The following SPAG9 variants were observed in gnomAD, a reference collection of about 807,000 sequenced individuals.
SPAG9 encodes the protein C-Jun-amino-terminal kinase-interacting protein 4.
SPAG9 carries 35 observed loss-of-function variants against 166.5 expected under a neutral mutation model. The ratio of observed to expected loss-of-function variants is 0.21; its 90% CI spans 0.16 to 0.28. SPAG9 has a LOEUF of 0.28. SPAG9 is among the 10% of genes least tolerant of loss of function. The probability of loss-of-function intolerance (pLI) is 1.00; values close to 1 mark genes in which losing one functional copy is unlikely to be tolerated. For missense variants in SPAG9, 1,235 were observed against 1,603.3 expected (o/e 0.77, Z 3.92); for synonymous variants, 534 against 565.5 (o/e 0.94, Z 0.79).
At chr17:51,064,779 G>A (rs181466366) in intron 2 of SPAG9, among the ~76,000 whole-genome samples, 1 of 152,274 alleles carries the variant, frequency 6.6e-6, no homozygotes, top group Non-Finnish European at 1.5e-5. Context: ...GGTGGCGATT[G>A]TACAACCTTG....
intron 1 of SPAG9, among the ~76,000 whole-genome samples, chr17:51,117,252 C>T (rs2049316260): frequency 6.6e-6 from 1 of 152,182 alleles, no homozygotes; most frequent in South Asian, 2.1e-4. Flanking sequence ...GCACCTCACA[C>T]ATTCCTAAAA....
Position 51,031,781 on chromosome 17 carries a change from C to T in SPAG9, c.742-59G>A, listed in dbSNP as rs2046393132. On this transcript the variant is annotated intron_variant, in intron 5 of 29. Transcript: ENST00000262013. ...ATTATGTGTTTACTAGGTTTTAACACAGCTGTAACTTTGGCTTGTACTATC... is the reference window on the plus strand; with the variant it reads ...ATTATGTGTTTACTAGGTTTTAACATAGCTGTAACTTTGGCTTGTACTATC... 3 of 1,262,858 alleles carry T rather than the reference C, an allele frequency of 2.4e-6. No homozygotes were observed. The South Asian group carries it at 3.8e-5, about 16-fold the overall frequency. 78.2% of individuals were successfully genotyped at this position (1,262,858 alleles called of 1,614,324 possible).
At chr17:50,980,052 A>AT (rs1398023722) in intron 25 of SPAG9, 135 bp from the exon 26 acceptor site, 2 of 746,018 alleles carry the variant, frequency 2.7e-6, no homozygotes, top group African/African-American at 3.6e-5. Flanking sequence ...GATTACTCTT[A>AT]TATACACAAT....
intron 28 of SPAG9, among the ~76,000 whole-genome samples, chr17:50,971,831 G>T (rs532479740): frequency 6.6e-6 from 1 of 151,102 alleles, no homozygotes; most frequent in Non-Finnish European, 1.5e-5. Context: ...GCAATGGCGC[G>T]ATCTCGGCTC....
intron 13 of SPAG9, 148 bp from the exon 14 acceptor site, chr17:50,999,865 C>T: frequency 1.6e-6 from 1 of 621,658 alleles, no homozygotes; most frequent in Non-Finnish European, 2.8e-6. Flanking sequence ...CTTTGACCTA[C>T]CATGTGTCAG....
intron 12 of SPAG9, 72 bp downstream of exon 12, chr17:51,005,140 T>TA: frequency 7.8e-7 from 1 of 1,279,758 alleles, no homozygotes; most frequent in Non-Finnish European, 1.1e-6. Context: ...ATCCAAAGCT[T>TA]ACGTAGGAAG....
At chr17:50,995,361 G>A in intron 17 of SPAG9, 83 bp downstream of exon 17, 1 of 1,307,434 alleles carries the variant, frequency 7.6e-7, no homozygotes, top group Non-Finnish European at 1.1e-6. Context: ...CACCATAGAA[G>A]TAATACTTAT....
At chr17:51,089,575 ATATGTG>A (rs1244147458) in intron 1 of SPAG9, among the ~76,000 whole-genome samples, 2 of 143,610 alleles carry the variant, frequency 1.4e-5, no homozygotes, top group Non-Finnish European at 3.0e-5. Context: ...ATTATAATAT[ATATGTG>A]TATATCTACT....
chr17:51,074,215 G>A (rs539699260), intron 2 of SPAG9, among the ~76,000 whole-genome samples: 3 of 151,734 alleles, frequency 2.0e-5, no homozygotes, highest in East Asian at 1.9e-4. Context: ...CAGACTGGGC[G>A]ACAGAGCGAG....
chr17:51,088,030 C>T (rs193096107), intron 1 of SPAG9, among the ~76,000 whole-genome samples: 8 of 152,324 alleles, frequency 5.3e-5, no homozygotes, highest in African/African-American at 1.7e-4. Flanking sequence ...TAGGCATGAG[C>T]GACCATGCCT....
chr17:51,047,339 A>T, intron 4 of SPAG9, 36 bp downstream of exon 4: 1 of 1,094,198 alleles, frequency 9.1e-7, no homozygotes, highest in Non-Finnish European at 1.3e-6. Context: ...TATTTATTTT[A>T]CTTTTTCTCA....
intron 9 of SPAG9, among the ~76,000 whole-genome samples, chr17:51,010,568 GA>G (rs3075109): frequency 0.046 from 5,775 of 124,726 alleles, 137 homozygotes; most frequent in African/African-American, 0.071. Flanking sequence ...GGCAAGAAAA[GA>G]AAAAAAAAAA....
Position 51,056,495 on chromosome 17 carries a change from T to A in SPAG9, c.425-13A>T. On this transcript the variant is annotated splice_polypyrimidine_tract_variant and intron_variant, in intron 2 of 29. Coordinates refer to ENST00000262013, the MANE Select transcript of SPAG9 (RefSeq NM_001130528.3). ...TCAAGTCTGCTAACTGAAATTAAGATACATACACTTGATCAAAACAAAATA... is the reference window on the plus strand; with the variant it reads ...TCAAGTCTGCTAACTGAAATTAAGAAACATACACTTGATCAAAACAAAATA... 1 of 1,523,328 alleles carries A rather than the reference T, an allele frequency of 6.6e-7. No homozygotes were observed. The highest frequency in any genetic ancestry group is 9.1e-7 in the Non-Finnish European group (1 of 1,098,878). 94.4% of individuals were successfully genotyped at this position (1,523,328 alleles called of 1,614,324 possible).
Position 51,006,249 on chromosome 17 carries a change from A to G in SPAG9, c.1272-12T>C. 1.2e-6 allele frequency: 2 copies of G among 1,611,926 alleles called. No individual in the cohort carries two copies. Among genetic ancestry groups the G allele is most frequent in the South Asian group, 1.1e-5 (1 of 91,022 alleles). ...TGTTCAAAGCATTTCTAAGAAACAC[A>G]TATTTCAAGTGCATCATTACAAATA... On this transcript the variant is annotated splice_polypyrimidine_tract_variant and intron_variant, in intron 10 of 29. Transcript: ENST00000262013.
At chr17:51,106,234 T>C (rs1415638955) in intron 1 of SPAG9, among the ~76,000 whole-genome samples, 3 of 151,548 alleles carry the variant, frequency 2.0e-5, no homozygotes, top group Non-Finnish European at 4.4e-5. Flanking sequence ...ACCCAGGAAT[T>C]CGAGGCTGCA....
In SPAG9 at chr17:50,995,157, G is replaced by C. The variant is rs768249570; in HGVS notation, c.2126C>G (p.Ala709Gly). Residue 709 changes from alanine to glycine, a missense_variant, in exon 18 of 30, where the codon GCA becomes GGA. Transcript: ENST00000262013. Reference sequence around the variant, plus strand: ...AGCAACATCCTTGTAAAATACACTTGCTCCAACAACAGAACCACCATCTCT... The same window carrying C: ...AGCAACATCCTTGTAAAATACACTTCCTCCAACAACAGAACCACCATCTCT... The part of the protein sequence containing the change: ...KTRDGGSVVG[A>G]SVFYKDVAGL... 2 of 1,613,996 alleles carry C rather than the reference G, an allele frequency of 1.2e-6. No individual in the cohort carries two copies. The highest frequency in any genetic ancestry group is 3.3e-5 in the Admixed American group (2 of 60,014).
intron 16 of SPAG9, 45 bp downstream of exon 16, chr17:50,996,520 C>G: frequency 6.2e-7 from 1 of 1,611,498 alleles, no homozygotes; most frequent in East Asian, 2.2e-5. Flanking sequence ...ACTCAACTTG[C>G]CCTCTTCTTT....
At chr17:51,086,734 C>T (rs2048317669) in intron 1 of SPAG9, among the ~76,000 whole-genome samples, 1 of 151,970 alleles carries the variant, frequency 6.6e-6, no homozygotes, top group Admixed American at 6.6e-5. Context: ...CCAGCCTAGC[C>T]AAGATGGTGA....
intron 25 of SPAG9, among the ~76,000 whole-genome samples, chr17:50,981,069 G>C (rs530843755): frequency 2.0e-4 from 30 of 152,278 alleles, no homozygotes; most frequent in African/African-American, 7.2e-4. Context: ...GTATATGTGT[G>C]TGAGGCACAG....
Sources: allele counts gnomAD v4.1 joint callset (sites outside exome capture counted in the v4.1 genomes callset), GRCh38; gene constraint gnomAD v4.1.1; transcripts MANE v1.5; gene names NCBI Gene and HGNC (gene_info 2026-07-23, HGNC 2026-07-21).